The following MICAL3 variants were observed in gnomAD, a reference collection of about 807,000 sequenced individuals.
The protein encoded by MICAL3 is [F-actin]-monooxygenase MICAL3.
In MICAL3, 62 loss-of-function variants were observed where a neutral mutation model predicts 207.4. That is an observed-to-expected ratio of 0.30 (90% CI 0.24 to 0.37). MICAL3 has a LOEUF of 0.37. Among genes scored for constraint, MICAL3 ranks in the 10% least tolerant of loss-of-function variants. The probability of loss-of-function intolerance (pLI) is 1.00; values close to 1 mark genes in which losing one functional copy is unlikely to be tolerated. For synonymous variants in MICAL3, 1,077 were observed against 1,069.3 expected, an observed-to-expected ratio of 1.01 and a Z score of -0.14; for missense variants, 2,368 against 2,635.6, an observed-to-expected ratio of 0.90 and a Z score of 2.22.
At chr22:17,864,796 A>T (rs368377762) in intron 19 of MICAL3, 103 bp downstream of exon 19, 2 of 1,613,802 alleles carry the variant, frequency 1.2e-6, no homozygotes, top group Non-Finnish European at 1.7e-6. Context: ...TTGTTGCCCG[A>T]ATGAAGAAAT....
chr22:17,864,027 T>G, intron 19 of MICAL3: 1 of 985,900 alleles, frequency 1.0e-6, no homozygotes. Context: ...TGGAGCTGTA[T>G]GTGGGACATT....
intron 20 of MICAL3, chr22:17,840,725 A>T (rs954910714): frequency 6.6e-6 from 1 of 151,346 alleles, no homozygotes; most frequent in Non-Finnish European, 1.5e-5. Flanking sequence ...GGAGAGAGAG[A>T]GTGGGCTCCC....
At position 17,818,902 on chromosome 22, in the gene MICAL3, G is replaced by A; in HGVS notation, c.3759C>T (p.Pro1253=). ...QPQPPVAAST[P]PPSPLPICSQ... is the part of the protein sequence containing the mutation. ...AGCAGATGGGGAGTGGGCTGGGTGG[G>A]GGCGTGGAGGCCGCCACGGGTGGCT... Residue 1253 remains proline (P), a synonymous_variant, in exon 26 of 32, where the codon CCC becomes CCT. Transcript: ENST00000441493. The A allele has an allele frequency of 6.4e-7, 1 of 1,562,406 alleles. No homozygotes were observed. The highest frequency in any genetic ancestry group is 8.7e-7 in the Non-Finnish European group (1 of 1,153,536).
chr22:17,906,464 T>A, intron 2 of MICAL3, 85 bp downstream of exon 2: 1 of 1,608,122 alleles, frequency 6.2e-7, no homozygotes, highest in South Asian at 1.1e-5. Flanking sequence ...AGATCATATA[T>A]GGTGAATGGC....
chr22:17,940,988 C>T (rs151148336), intron 1 of MICAL3, among the ~76,000 whole-genome samples: 6 of 152,284 alleles, frequency 3.9e-5, no homozygotes, highest in Non-Finnish European at 8.8e-5. Flanking sequence ...ACCAGACACC[C>T]AGTTATGCCT....
chr22:17,840,226 G>C (rs549302712), intron 20 of MICAL3: 2 of 151,958 alleles, frequency 1.3e-5, no homozygotes, highest in South Asian at 4.2e-4. Flanking sequence ...CAAGTAGCTG[G>C]GATTACAGGT....
chr22:17,810,116 G>A (rs2062028764), intron 28 of MICAL3, among the ~76,000 whole-genome samples: 1 of 144,630 alleles, frequency 6.9e-6, no homozygotes, highest in African/African-American at 2.6e-5. Context: ...AGGCTGGGGT[G>A]CAGTGGCACA....
chr22:17,859,200 T>C (rs1926251274), intron 19 of MICAL3, among the ~76,000 whole-genome samples: 1 of 152,064 alleles, frequency 6.6e-6, no homozygotes, highest in Admixed American at 6.5e-5. Flanking sequence ...ACCTGGACTG[T>C]GGTTGTCGAG....
At position 17,832,024 on chromosome 22, in the gene MICAL3, G is replaced by A. The variant is rs778798473; in HGVS notation, c.2885C>T (p.Pro962Leu). Residue 962 changes from proline (P) to leucine (L), a missense_variant, in exon 21 of 32, where the codon CCG becomes CTG. Physicochemically the swap from Pro to Leu is moderately conservative, Grantham distance 98. Transcript: ENST00000441493. ...ATGGATCCGCACGGCCTCCTTCCAC[G>A]GAACACCACCCAGGTCAGATGGGGG... ...RLPPSDLGGV[P>L]WKEAVRIHAL... 23 of 1,605,624 alleles carry A rather than the reference G, an allele frequency of 1.4e-5. No individual in the cohort carries two copies. The highest frequency in any genetic ancestry group is 1.3e-4 in the South Asian group (12 of 89,440).
intron 16 of MICAL3, among the ~76,000 whole-genome samples, chr22:17,885,653 T>G (rs1929805284): frequency 6.6e-6 from 1 of 152,186 alleles, no homozygotes; most frequent in South Asian, 2.1e-4. Context: ...TGCTGATTCT[T>G]GTCAGTGGAC....
chr22:17,925,150 G>A (rs1313667934), intron 1 of MICAL3, among the ~76,000 whole-genome samples: 1 of 152,044 alleles, frequency 6.6e-6, no homozygotes, highest in Non-Finnish European at 1.5e-5. Context: ...ACTAGGTGCC[G>A]AGCACCTGAG....
chr22:17,801,990 AGG>A (rs906362088), intron 29 of MICAL3, among the ~76,000 whole-genome samples: 1 of 152,086 alleles, frequency 6.6e-6, no homozygotes, highest in African/African-American at 2.4e-5. Flanking sequence ...TTGAACTGGG[AGG>A]GAAGTGTGGA....
chr22:18,007,115 C>T (rs112109379), intron 1 of MICAL3: 12,936 of 152,208 alleles, frequency 0.085, 610 homozygotes, highest in African/African-American at 0.12. Flanking sequence ...CTCAGCCTCC[C>T]AAAGTGCTAG....
chr22:17,954,753 T>A (rs1398479965), intron 1 of MICAL3, among the ~76,000 whole-genome samples: 3 of 151,204 alleles, frequency 2.0e-5, no homozygotes. Context: ...TCTTTTCCTT[T>A]TTTTTTTTTT....
intron 16 of MICAL3, chr22:17,876,824 G>GGTTAGGGAA (rs1569109143): frequency 3.3e-5 from 3 of 91,194 alleles, no homozygotes; most frequent in South Asian, 3.6e-4. Flanking sequence ...AGGTTAGGGA[G>GGTTAGGGAA]GTTATGGAGG....
intron 1 of MICAL3, among the ~76,000 whole-genome samples, chr22:17,990,597 G>A (rs1462971371): frequency 5.3e-5 from 8 of 152,268 alleles, no homozygotes; most frequent in Admixed American, 2.6e-4. Context: ...TCTAGTAACC[G>A]GTATAGTACA....
intron 19 of MICAL3, among the ~76,000 whole-genome samples, chr22:17,848,650 C>T (rs763484964): frequency 2.6e-5 from 4 of 152,182 alleles, no homozygotes; most frequent in Non-Finnish European, 4.4e-5. Context: ...CTACCTGCCT[C>T]GGGGACTTCA....
chr22:17,871,861 C>T lies in MICAL3; in HGVS notation c.2404G>A (p.Ala802Thr), dbSNP rs775992283. 1 of 1,609,246 alleles carries T rather than the reference C, an allele frequency of 6.2e-7. No individual in the cohort carries two copies. The highest frequency in any genetic ancestry group is 8.5e-7 in the Non-Finnish European group (1 of 1,178,034). The change falls in exon 17 of 32, where the codon GCC becomes ACC. Residue 802 changes from alanine to threonine, a missense_variant. Coordinates refer to ENST00000441493, the MANE Select transcript of MICAL3 (RefSeq NM_015241.3). ...CCATCCTCGATGTCGTAGGCGTAGG[C>T]CGAGAGGCGCAGGGTGGTGGCGCAG... is the stretch of plus-strand genomic sequence containing the variant. Reference protein sequence around the residue: ...EYCATTLRLSAYAYDIEDGKF... With the variant: ...EYCATTLRLSTYAYDIEDGKF...
At chr22:17,823,282 G>T (rs1225386869) in intron 22 of MICAL3, among the ~76,000 whole-genome samples, 1 of 152,218 alleles carries the variant, frequency 6.6e-6, no homozygotes, top group Non-Finnish European at 1.5e-5. Flanking sequence ...CAATGCTAGG[G>T]GCCAAGTGGG....
Sources: allele counts gnomAD v4.1 joint callset (sites outside exome capture counted in the v4.1 genomes callset), GRCh38; gene constraint gnomAD v4.1.1; transcripts MANE v1.5; gene names NCBI Gene and HGNC (gene_info 2026-07-23, HGNC 2026-07-21).